Variants in GRM8 observed in about 807,000 individuals in gnomAD.
GRM8 encodes the protein glutamate metabotropic receptor 8.
GRM8 carries 47 observed loss-of-function variants against 87.2 expected under a neutral mutation model. The observed-to-expected ratio is 0.54, with a 90% confidence interval of 0.43 to 0.69. GRM8 has a LOEUF of 0.69. GRM8 is among the 30% of genes least tolerant of loss of function. The pLI is 0.00. For synonymous variants in GRM8, 396 were observed against 404.5 expected, an observed-to-expected ratio of 0.98 and a Z score of 0.25; for missense variants, 1,019 against 1,139.2, an observed-to-expected ratio of 0.89 and a Z score of 1.52.
At chr7:126,785,614 C>T (rs1404120521) in intron 6 of GRM8, among the ~76,000 whole-genome samples, 1 of 151,924 alleles carries the variant, frequency 6.6e-6, no homozygotes, top group Admixed American at 6.6e-5. Flanking sequence ...CTTTTAAGAC[C>T]CAGGTCTTTC....
intron 2 of GRM8, among the ~76,000 whole-genome samples, chr7:127,152,628 G>A (rs1477392683): frequency 6.6e-6 from 1 of 152,092 alleles, no homozygotes; most frequent in Non-Finnish European, 1.5e-5. Flanking sequence ...GATCCCAGGG[G>A]AAGGTCAGCC....
chr7:126,561,131 T>C lies in GRM8; in HGVS notation c.1495-27244A>G, dbSNP rs187403975. Among the ~76,000 whole-genome samples, 122 of 152,260 alleles carry C rather than the reference T, an allele frequency of 8.0e-4. 1 individual carries two copies. The highest frequency in any genetic ancestry group is 3.4e-3 in the Middle Eastern group (1 of 294). On this transcript the variant is annotated intron_variant, in intron 8 of 10. Coordinates refer to ENST00000339582, the MANE Select transcript of GRM8 (RefSeq NM_000845.3). ...TCACTCAGGTTAACCATAATTGCCATTATTGGCACCTTTTGTCTTGTACTT... is the reference window on the plus strand; with the variant it reads ...TCACTCAGGTTAACCATAATTGCCACTATTGGCACCTTTTGTCTTGTACTT...
intron 6 of GRM8, among the ~76,000 whole-genome samples, chr7:126,844,818 C>A (rs1481850315): frequency 1.3e-5 from 2 of 152,108 alleles, no homozygotes; most frequent in African/African-American, 4.8e-5. Flanking sequence ...ATAAAGCCAC[C>A]AATACCATTG....
chr7:127,160,431 A>G (rs1444802284), intron 2 of GRM8, among the ~76,000 whole-genome samples: 2 of 152,198 alleles, frequency 1.3e-5, no homozygotes, highest in Non-Finnish European at 2.9e-5. Context: ...GCCACAAGCC[A>G]AGGCCATTAC....
intron 6 of GRM8, among the ~76,000 whole-genome samples, chr7:126,886,078 G>A (rs1341453190): frequency 6.6e-6 from 1 of 152,106 alleles, no homozygotes; most frequent in Non-Finnish European, 1.5e-5. Context: ...TTCAGCTTAA[G>A]TGGCTTTGTT....
intron 8 of GRM8, among the ~76,000 whole-genome samples, chr7:126,573,293 T>G (rs898557699): frequency 6.6e-6 from 1 of 152,204 alleles, no homozygotes; most frequent in East Asian, 1.9e-4. Flanking sequence ...AATGGGATGA[T>G]GTAAAAGTGT....
At chr7:126,555,175 A>G (rs1793006016) in intron 8 of GRM8, among the ~76,000 whole-genome samples, 1 of 152,260 alleles carries the variant, frequency 6.6e-6, no homozygotes, top group Non-Finnish European at 1.5e-5. Context: ...ATTCATAGAA[A>G]GCTTAATCTG....
At chr7:126,937,354 T>C (rs1450082252) in intron 3 of GRM8, among the ~76,000 whole-genome samples, 1 of 152,204 alleles carries the variant, frequency 6.6e-6, no homozygotes, top group Non-Finnish European at 1.5e-5. Context: ...AATGTGGAAC[T>C]GGAAGCAGAC....
intron 2 of GRM8, among the ~76,000 whole-genome samples, chr7:127,192,300 T>C (rs1425453278): frequency 6.6e-6 from 1 of 152,250 alleles, no homozygotes; most frequent in Non-Finnish European, 1.5e-5. Context: ...TTGTTACAGA[T>C]ACTAAAGCTT....
At chr7:127,114,948 C>A (rs1486891428) in intron 2 of GRM8, among the ~76,000 whole-genome samples, 1 of 152,104 alleles carries the variant, frequency 6.6e-6, no homozygotes, top group East Asian at 1.9e-4. Flanking sequence ...TGGAAAGCCA[C>A]AACCTAGAAG....
At chr7:126,871,834 A>G (rs1799123640) in intron 6 of GRM8, among the ~76,000 whole-genome samples, 1 of 152,234 alleles carries the variant, frequency 6.6e-6, no homozygotes, top group South Asian at 2.1e-4. Context: ...AGAATTATAG[A>G]TACTTGTACA....
At chr7:126,579,011 T>C (rs555898699) in intron 8 of GRM8, among the ~76,000 whole-genome samples, 1 of 152,296 alleles carries the variant, frequency 6.6e-6, no homozygotes, top group South Asian at 2.1e-4. Context: ...ACCAGACTTT[T>C]TCATGGCCAT....
intron 7 of GRM8, among the ~76,000 whole-genome samples, chr7:126,730,215 A>G (rs1813440648): frequency 6.6e-6 from 1 of 152,210 alleles, no homozygotes; most frequent in African/African-American, 2.4e-5. Flanking sequence ...TCAAAGAAAT[A>G]GTACTAGCAA....
intron 8 of GRM8, among the ~76,000 whole-genome samples, chr7:126,552,928 T>C (rs2150934421): frequency 6.6e-6 from 1 of 152,250 alleles, no homozygotes; most frequent in South Asian, 2.1e-4. Context: ...TCCCTGAGCC[T>C]CAATTTCCCC....
intron 7 of GRM8, among the ~76,000 whole-genome samples, chr7:126,638,963 C>T (rs1226613731): frequency 6.6e-6 from 1 of 152,210 alleles, no homozygotes; most frequent in Non-Finnish European, 1.5e-5. Flanking sequence ...TTTTCCACCT[C>T]ACGTGCCACT....
chr7:126,994,319 C>T (rs1812964226), intron 3 of GRM8, among the ~76,000 whole-genome samples: 1 of 152,174 alleles, frequency 6.6e-6, no homozygotes, highest in Admixed American at 6.5e-5. Context: ...CCCCCGAACC[C>T]TGAATCACCA....
intron 6 of GRM8, among the ~76,000 whole-genome samples, chr7:126,807,649 CT>C (rs1792910501): frequency 6.6e-6 from 1 of 152,050 alleles, no homozygotes; most frequent in Admixed American, 6.6e-5. Flanking sequence ...CTTGTCTGGA[CT>C]CCCTACATTT....
intron 3 of GRM8, among the ~76,000 whole-genome samples, chr7:126,948,790 A>G (rs1463578853): frequency 6.6e-6 from 1 of 152,226 alleles, no homozygotes; most frequent in African/African-American, 2.4e-5. Context: ...GGGCCAGCCC[A>G]AGGACCACAG....
intron 8 of GRM8, among the ~76,000 whole-genome samples, chr7:126,547,441 A>G (rs1817278568): frequency 6.6e-6 from 1 of 151,942 alleles, no homozygotes; most frequent in Non-Finnish European, 1.5e-5. Flanking sequence ...TAAATTAACT[A>G]TAATTATTAT....
Sources: gnomAD v4.1 joint callset for allele counts (sites outside exome capture counted in the v4.1 genomes callset) on GRCh38, gnomAD v4.1.1 for gene constraint, MANE v1.5 for transcripts, NCBI Gene and HGNC (gene_info 2026-07-23, HGNC 2026-07-21) for gene names.